AGAP1: variants seen among roughly 807,000 people sequenced by gnomAD.
AGAP1 encodes arf-GAP with GTPase, ANK repeat and PH domain-containing protein 1.
Under a neutral mutation model 105.3 loss-of-function variants are expected in AGAP1, and 29 were observed. That is an observed-to-expected ratio of 0.28 (90% CI 0.21 to 0.38). The LOEUF (loss-of-function observed/expected upper bound fraction) is 0.38. Among genes scored for constraint, AGAP1 ranks in the 10% least tolerant of loss-of-function variants. The probability of loss-of-function intolerance (pLI) is 1.00; values close to 1 mark genes in which losing one functional copy is unlikely to be tolerated. For synonymous variants in AGAP1, 509 were observed against 485.9 expected (o/e 1.05, Z -0.63); for missense variants, 998 against 1,165.1 (o/e 0.86, Z 2.09).
At position 236,095,831 on chromosome 2, in the gene AGAP1, A is replaced by T. The variant is rs1241595003; in HGVS notation, c.2115-24361A>T. Among the ~76,000 whole-genome samples, 1 of 152,192 alleles carries T rather than the reference A, an allele frequency of 6.6e-6. No homozygotes were observed. The highest frequency in any genetic ancestry group is 6.5e-5 in the Admixed American group (1 of 15,282). On this transcript the variant is annotated intron_variant, in intron 16 of 17. Coordinates refer to ENST00000304032, the MANE Select transcript of AGAP1 (RefSeq NM_001037131.3). This position sits in a 1 kb window ranked among gnomAD's most constrained non-coding sequence, Gnocchi z 4.1. ...GAGCTGGCCAACTTCCACGATCATT[A>T]TATTTTTGAGTTTTGCATCATGGCG...
In AGAP1 at chr2:236,055,418, G is replaced by A. The variant is rs984760087; in HGVS notation, c.2114+6137G>A. Among the ~76,000 whole-genome samples, 18 of 152,190 alleles carry A rather than the reference G, an allele frequency of 1.2e-4. No homozygotes were observed. Among genetic ancestry groups the A allele is most frequent in the African/African-American group, 2.9e-4 (12 of 41,430 alleles). On this transcript the variant is annotated intron_variant, in intron 16 of 17. Coordinates refer to ENST00000304032, the MANE Select transcript of AGAP1 (RefSeq NM_001037131.3). The surrounding 1 kb of genome is among the most constrained non-coding windows in gnomAD (Gnocchi z 6.2). ...GAAGCTGCTGTGCTCTGTGAGCCTC[G>A]TCTCTTCCAATATAAATTATCATGT...
intron 1 of AGAP1, among the ~76,000 whole-genome samples, chr2:235,684,173 C>T (rs1462015574): frequency 6.6e-6 from 1 of 152,156 alleles, no homozygotes; most frequent in Non-Finnish European, 1.5e-5. Flanking sequence ...TCCCAAGTAG[C>T]TGAGACTACA....
rs1344639832 is a variant in AGAP1 at position 235,740,182 on chromosome 2, C to T, written c.311-781C>T. On this transcript the variant is annotated intron_variant, in intron 3 of 17. Transcript: ENST00000304032. The surrounding 1 kb of genome is among the most constrained non-coding windows in gnomAD (Gnocchi z 5.7). ...GCAGGAGCAGGGCTGGCCTAGCGGG[C>T]CGGGCTGGGCACTGCAGCAACCTTG... is the stretch of plus-strand genomic sequence containing the variant. Among the ~76,000 whole-genome samples the T allele has an allele frequency of 6.6e-6, 1 of 152,126 alleles. No individual in the cohort carries two copies. The highest frequency in any genetic ancestry group is 2.4e-5 in the African/African-American group (1 of 41,430).
chr2:235,835,043 C>T (rs1044102953), intron 9 of AGAP1, among the ~76,000 whole-genome samples: 3 of 152,222 alleles, frequency 2.0e-5, no homozygotes, highest in African/African-American at 7.2e-5. Flanking sequence ...GGCATCCTCG[C>T]CCCTCGGCCT....
At chr2:235,980,254 CTGT>C (rs1321961061) in intron 13 of AGAP1, among the ~76,000 whole-genome samples, 1 of 152,210 alleles carries the variant, frequency 6.6e-6, no homozygotes, top group East Asian at 1.9e-4. Context: ...ACATTGATGG[CTGT>C]TGTCTGGGTT....
At chr2:235,780,257 AAATT>A (rs1233708966) in intron 6 of AGAP1, among the ~76,000 whole-genome samples, 1 of 152,214 alleles carries the variant, frequency 6.6e-6, no homozygotes, top group East Asian at 1.9e-4. Flanking sequence ...AGGTTTAAGA[AAATT>A]AATAGCTACA....
rs143617959 is a variant in AGAP1 at position 236,120,205 on chromosome 2, C to T, written c.2128C>T (p.Arg710Trp). 1.2e-4 allele frequency: 190 copies of T among 1,611,374 alleles called. No individual in the cohort carries two copies. The African/African-American group carries it at 2.0e-3, about 17-fold the overall frequency. ...SVDSTREEKE[R>W]WIRAKYEQKL... ...GGCTCTTTGCAGGGAAGAGAAGGAA[C>T]GGTGGATCCGTGCCAAGTACGAGCA... Residue 710 changes from arginine (R) to tryptophan (W), a missense_variant, in exon 17 of 18, where the codon CGG becomes TGG. Physicochemically the swap from Arg to Trp is moderately radical, Grantham distance 101. This residue lies in a region of AGAP1 where 235 missense variants were observed against 270.7 expected (regional missense o/e 0.87). Transcript: ENST00000304032. The surrounding 1 kb of genome is among the most constrained non-coding windows in gnomAD (Gnocchi z 6.0).
intron 11 of AGAP1, among the ~76,000 whole-genome samples, chr2:235,914,255 C>G (rs139301706): frequency 5.3e-5 from 8 of 152,322 alleles, no homozygotes. Flanking sequence ...CACCAGTTTA[C>G]TGATACAGAG....
At chr2:235,516,835 T>C (rs1942409989) in intron 1 of AGAP1, among the ~76,000 whole-genome samples, 1 of 152,200 alleles carries the variant, frequency 6.6e-6, no homozygotes, top group Non-Finnish European at 1.5e-5. Flanking sequence ...CTCTGTTCCA[T>C]CAGCTGGGTT....
chr2:235,565,285 G>T (rs1022544200), intron 1 of AGAP1, among the ~76,000 whole-genome samples: 1 of 152,258 alleles, frequency 6.6e-6, no homozygotes, highest in African/African-American at 2.4e-5. Flanking sequence ...TATGAGCCAG[G>T]AGCAGCCTGG....
chr2:235,938,185 A>G (rs1009686726), intron 12 of AGAP1, among the ~76,000 whole-genome samples: 4 of 152,168 alleles, frequency 2.6e-5, no homozygotes, highest in Non-Finnish European at 5.9e-5. Context: ...ACAGGCCCCC[A>G]GGAGATGAGT....
rs143426784 is a variant in AGAP1 at position 235,769,954 on chromosome 2, A to G, written c.673+19466A>G. Among the ~76,000 whole-genome samples the G allele has an allele frequency of 2.6e-5, 4 of 152,356 alleles. No individual in the cohort carries two copies. In the East Asian group the frequency reaches 5.8e-4, roughly 22 times the overall value. ...AGATACACACTTATGTATGTTTCAT[A>G]TATTAGCAAGTGTATCTCATATCTT... On this transcript the variant is annotated intron_variant, in intron 6 of 17. Transcript: ENST00000304032. The surrounding 1 kb of genome is among the most constrained non-coding windows in gnomAD (Gnocchi z 4.4).
chr2:235,775,279 A>C (rs1468216434), intron 6 of AGAP1, among the ~76,000 whole-genome samples: 1 of 152,142 alleles, frequency 6.6e-6, no homozygotes, highest in African/African-American at 2.4e-5. Flanking sequence ...ACCCTCAACG[A>C]AAGGAGGTTT....
rs1451995114 is a variant in AGAP1 at position 235,610,932 on chromosome 2, C to T, written c.164-98247C>T. 6.6e-6 allele frequency among the ~76,000 whole-genome samples: 1 copy of T among 152,136 alleles called. No homozygotes were observed. Among genetic ancestry groups the T allele is most frequent in the African/African-American group, 2.4e-5 (1 of 41,396 alleles). ...CTGCCTGTAATCCTTTTCAGCCCCT[C>T]TGAAGAGCGGCCCAGTAGGATGGTT... On this transcript the variant is annotated intron_variant, in intron 1 of 17. Coordinates refer to ENST00000304032, the MANE Select transcript of AGAP1 (RefSeq NM_001037131.3). The surrounding 1 kb of genome is among the most constrained non-coding windows in gnomAD (Gnocchi z 4.9).
chr2:235,698,519 T>TGAAAATGTTGA lies in AGAP1; in HGVS notation c.164-10660_164-10659insGAAAATGTTGA. On this transcript the variant is annotated intron_variant, in intron 1 of 17. Transcript: ENST00000304032. ...CTTGTACCTTTTCATAAAATATCCC[T>TGAAAATGTTGA]ATTCAACATTTTCACTTTCAAGGAC... Among the ~76,000 whole-genome samples the TGAAAATGTTGA allele has an allele frequency of 5.3e-5, 8 of 152,380 alleles. No homozygotes were observed. In the South Asian group the frequency reaches 1.7e-3, roughly 32 times the overall value.
At chr2:235,699,859 G>C (rs771487359) in intron 1 of AGAP1, among the ~76,000 whole-genome samples, 8 of 152,236 alleles carry the variant, frequency 5.3e-5, no homozygotes, top group Non-Finnish European at 2.9e-5. Context: ...GCTATGAGGT[G>C]TGGGGCTTTG....
In AGAP1 at chr2:236,044,839, C is replaced by G. The variant is rs1319731051; in HGVS notation, c.1891+3998C>G. Reference sequence around the variant, plus strand: ...TGGGGGCTTCCTGGCTCTGGTGTATCCTAGAATTTTCTTAGCTCTTTTCTG... The same window carrying G: ...TGGGGGCTTCCTGGCTCTGGTGTATGCTAGAATTTTCTTAGCTCTTTTCTG... On this transcript the variant is annotated intron_variant, in intron 15 of 17. Coordinates refer to ENST00000304032, the MANE Select transcript of AGAP1 (RefSeq NM_001037131.3). This position sits in a 1 kb window ranked among gnomAD's most constrained non-coding sequence, Gnocchi z 5.7. 1.3e-5 allele frequency among the ~76,000 whole-genome samples: 2 copies of G among 152,102 alleles called. No individual in the cohort carries two copies. Among genetic ancestry groups the G allele is most frequent in the African/African-American group, 4.8e-5 (2 of 41,414 alleles).
rs1314207547 is a variant in AGAP1, at chr2:235,931,550, AC to A, written c.1483+630del. The stretch of plus-strand genomic sequence containing the variant: ...GCGTGAATGACGCAGCACCGAGGGC[AC>A]CCTGGTGGCTGCAGCAGGGTTTGCC... On this transcript the variant is annotated intron_variant, in intron 12 of 17. Coordinates refer to ENST00000304032, the MANE Select transcript of AGAP1 (RefSeq NM_001037131.3). The surrounding 1 kb of genome is among the most constrained non-coding windows in gnomAD (Gnocchi z 5.6). Among the ~76,000 whole-genome samples, 1 of 151,956 alleles carries A rather than the reference AC, an allele frequency of 6.6e-6. No homozygotes were observed. Among genetic ancestry groups the A allele is most frequent in the Non-Finnish European group, 1.5e-5 (1 of 68,018 alleles).
intron 9 of AGAP1, among the ~76,000 whole-genome samples, chr2:235,856,267 C>T (rs1349536600): frequency 6.6e-6 from 1 of 152,194 alleles, no homozygotes; most frequent in African/African-American, 2.4e-5. Flanking sequence ...ATAGCTTCCT[C>T]TCTTTAGTTT....
Sources: gnomAD v4.1 joint callset for allele counts (sites outside exome capture counted in the v4.1 genomes callset) on GRCh38, gnomAD v4.1.1 for gene constraint, gnomAD v4.1.1 regional missense constraint, Gnocchi (gnomAD v3.1) non-coding constraint, MANE v1.5 for transcripts, NCBI Gene and HGNC (gene_info 2026-07-23, HGNC 2026-07-21) for gene names.